NCKAP1: variants seen among roughly 807,000 people sequenced by gnomAD.
NCKAP1 encodes the protein nck-associated protein 1.
Under a neutral mutation model 151.2 loss-of-function variants are expected in NCKAP1, and 21 were observed. That is an observed-to-expected ratio of 0.14 (90% confidence interval 0.10 to 0.20). The LOEUF is 0.20. Ranked by LOEUF, NCKAP1 falls within the 10% of genes least tolerant of loss-of-function variation. The pLI, the probability that NCKAP1 is intolerant of heterozygous loss-of-function variation, is 1.00. For synonymous variants in NCKAP1, 484 were observed against 451.8 expected (o/e 1.07, Z -0.90); for missense variants, 933 against 1,352.1 (o/e 0.69, Z 4.86).
intron 1 of NCKAP1, among the ~76,000 whole-genome samples, chr2:183,030,411 G>C (rs771823158): frequency 3.3e-5 from 5 of 152,118 alleles, no homozygotes; most frequent in African/African-American, 4.8e-5. Context: ...TTATTTTCTA[G>C]TACAATAATT....
intron 15 of NCKAP1, among the ~76,000 whole-genome samples, chr2:182,975,180 G>C (rs906320639): frequency 6.6e-6 from 1 of 151,962 alleles, no homozygotes; most frequent in Non-Finnish European, 1.5e-5. Flanking sequence ...TTCTACTTTT[G>C]TATTGTTTCA....
At chr2:182,950,088 G>C (rs988758570) in intron 23 of NCKAP1, among the ~76,000 whole-genome samples, 1 of 152,172 alleles carries the variant, frequency 6.6e-6, no homozygotes. Flanking sequence ...GAACAGGCAA[G>C]TTATGACCAT....
intron 26 of NCKAP1, among the ~76,000 whole-genome samples, chr2:182,931,160 G>A (rs1012584742): frequency 6.6e-6 from 1 of 152,150 alleles, no homozygotes; most frequent in South Asian, 2.1e-4. Context: ...CTCCATAGTG[G>A]TTTAATGAAA....
chr2:183,027,434 G>A (rs1698919373), intron 1 of NCKAP1, among the ~76,000 whole-genome samples: 1 of 152,110 alleles, frequency 6.6e-6, no homozygotes, highest in African/African-American at 2.4e-5. Context: ...TTAATAACAA[G>A]AGAGACACTT....
chr2:182,912,635 T>C lies in NCKAP1; in HGVS notation c.*13067A>G, dbSNP rs760837469. 4 of 152,238 alleles carry C rather than the reference T, an allele frequency of 2.6e-5. No individual in the cohort carries two copies. The highest frequency in any genetic ancestry group is 5.9e-5 in the Non-Finnish European group (4 of 68,036). 9.4% of individuals were successfully genotyped at this position (152,238 alleles called of 1,614,324 possible). A position where few individuals can be genotyped will look rare whatever the true frequency, so the allele number is the denominator to read the frequency against. On this transcript the variant is annotated 3_prime_UTR_variant, in exon 31 of 31. Coordinates refer to ENST00000361354, the MANE Select transcript of NCKAP1 (RefSeq NM_013436.5). ...ATTCTGTGGAGTTCAGAATTATAAA[T>C]GCTTGGCTAGTTAGCCATAATAAAA...
chr2:183,013,884 G>A (rs1028599420), intron 2 of NCKAP1, among the ~76,000 whole-genome samples: 2 of 152,044 alleles, frequency 1.3e-5, no homozygotes, highest in African/African-American at 4.8e-5. Context: ...TGAGCCTTTG[G>A]AGCTGCGGTT....
Position 182,953,104 on chromosome 2 carries a change from A to G in NCKAP1, c.2372+9T>C, listed in dbSNP as rs1443600019. ...TCCGCTACTACAAATTTCTAAATGC[A>G]TTCCTTACCAATTTGTGTATAGACT... On this transcript the variant is annotated intron_variant, in intron 21 of 30. Coordinates refer to ENST00000361354, the MANE Select transcript of NCKAP1 (RefSeq NM_013436.5). The G allele has an allele frequency of 7.6e-6, 12 of 1,589,320 alleles. No homozygotes were observed. The Admixed American group carries it at 1.6e-4, about 21-fold the overall frequency.
rs939928607 is a variant in NCKAP1, at chr2:182,920,997, G to A, written c.*4705C>T. The stretch of plus-strand genomic sequence containing the variant: ...TGAGTAGTGCACAGTTTTAGTCTGT[G>A]AGCACGCTTCAGTGAAATTATATCA... On this transcript the variant is annotated 3_prime_UTR_variant, in exon 31 of 31. Transcript: ENST00000361354. 6.6e-6 allele frequency: 1 copy of A among 152,142 alleles called. No individual in the cohort carries two copies. Among genetic ancestry groups the A allele is most frequent in the African/African-American group, 2.4e-5 (1 of 41,426 alleles). 9.4% of individuals were successfully genotyped at this position (152,142 alleles called of 1,614,324 possible).
At chr2:182,982,625 T>A (rs1325601328) in intron 12 of NCKAP1, among the ~76,000 whole-genome samples, 196 bp downstream of exon 12, 4 of 152,144 alleles carry the variant, frequency 2.6e-5, no homozygotes, top group African/African-American at 9.7e-5. Context: ...TGCCCAACTG[T>A]AGGCTAATAA....
rs976408462 is a variant in NCKAP1 at position 182,990,545 on chromosome 2, A to C, written c.791-1359T>G. On this transcript the variant is annotated intron_variant, in intron 8 of 30. Transcript: ENST00000361354. Reference sequence around the variant, plus strand: ...AAATCCTATATAAATGTATAATTTTATACATGCTGACTGATATCCTCTCTA... The same window carrying C: ...AAATCCTATATAAATGTATAATTTTCTACATGCTGACTGATATCCTCTCTA... Among the ~76,000 whole-genome samples, 15 of 152,174 alleles carry C rather than the reference A, an allele frequency of 9.9e-5. 1 individual carries two copies. Among genetic ancestry groups the C allele is most frequent in the African/African-American group, 3.4e-4 (14 of 41,442 alleles).
chr2:183,012,299 G>C (rs1230929553), intron 2 of NCKAP1, among the ~76,000 whole-genome samples: 2 of 152,174 alleles, frequency 1.3e-5, no homozygotes, highest in Non-Finnish European at 2.9e-5. Flanking sequence ...GGAAGTCAAA[G>C]GAGAGGCTGC....
At chr2:183,024,075 G>A (rs959332091) in intron 1 of NCKAP1, among the ~76,000 whole-genome samples, 159 bp from the exon 2 acceptor site, 6 of 152,012 alleles carry the variant, frequency 3.9e-5, no homozygotes, top group African/African-American at 1.2e-4. Context: ...GCTGAAATAT[G>A]CAATGGGAGA....
At chr2:182,989,258 T>C in intron 8 of NCKAP1, 72 bp from the exon 9 acceptor site, 1 of 1,288,172 alleles carries the variant, frequency 7.8e-7, no homozygotes, top group Non-Finnish European at 1.1e-6. Flanking sequence ...AGTGTAGCTT[T>C]TGAAAAATAC....
At chr2:182,982,980 T>C (rs1697972379) in intron 11 of NCKAP1, 53 bp from the exon 12 acceptor site, 1 of 1,301,416 alleles carries the variant, frequency 7.7e-7, no homozygotes, top group Non-Finnish European at 1.1e-6. Flanking sequence ...AAAACAAAAC[T>C]GGTAATCTCT....
At chr2:182,953,519 C>T (rs1486299937) in intron 20 of NCKAP1, among the ~76,000 whole-genome samples, 188 bp from the exon 21 acceptor site, 4 of 152,096 alleles carry the variant, frequency 2.6e-5, no homozygotes, top group African/African-American at 7.2e-5. Flanking sequence ...GAATGAAGGC[C>T]GGGCATGGTG....
chr2:182,985,613 C>T (rs1698038557), intron 10 of NCKAP1, among the ~76,000 whole-genome samples: 1 of 151,876 alleles, frequency 6.6e-6, no homozygotes, highest in Non-Finnish European at 1.5e-5. Context: ...ACCAGTCTAG[C>T]CAACATGGTG....
At chr2:183,016,035 C>T (rs1359511383) in intron 2 of NCKAP1, among the ~76,000 whole-genome samples, 1 of 152,028 alleles carries the variant, frequency 6.6e-6, no homozygotes, top group Non-Finnish European at 1.5e-5. Context: ...GAGACACTGT[C>T]TAAAGTTGGT....
chr2:182,928,869 A>T lies in NCKAP1; in HGVS notation c.2984T>A (p.Ile995Asn). 6.2e-7 allele frequency: 1 copy of T among 1,611,438 alleles called. No individual in the cohort carries two copies. The highest frequency in any genetic ancestry group is 8.5e-7 in the Non-Finnish European group (1 of 1,178,162). ...ENISPEEEYKIACLLMVFVAV... is the reference protein window; with the variant it reads ...ENISPEEEYKNACLLMVFVAV... ...CACAAACACCATGAGAAGGCAGGCA[A>T]TTTTATACTCTTCTTCTGGACTAAT... Residue 995 changes from isoleucine to asparagine, a missense_variant, in exon 28 of 31, where the codon ATT becomes AAT. Physicochemically the swap from Ile to Asn is moderately radical, Grantham distance 149. Coordinates refer to ENST00000361354, the MANE Select transcript of NCKAP1 (RefSeq NM_013436.5).
At chr2:182,956,805 G>A in intron 19 of NCKAP1, 1 of 462,638 alleles carries the variant, frequency 2.2e-6, no homozygotes, top group Non-Finnish European at 3.7e-6. Flanking sequence ...CTACCTTTAG[G>A]TAGTAATGAA....
Sources: gnomAD v4.1 joint callset for allele counts (sites outside exome capture counted in the v4.1 genomes callset) on GRCh38, gnomAD v4.1.1 for gene constraint, MANE v1.5 for transcripts, NCBI Gene and HGNC (gene_info 2026-07-23, HGNC 2026-07-21) for gene names.